The following KIF13B variants were observed in gnomAD, a reference collection of about 807,000 sequenced individuals.
KIF13B encodes kinesin family member 13B.
A neutral mutation model predicts 222.0 loss-of-function variants in KIF13B; 127 were observed. The observed-to-expected ratio is 0.57, with a 90% CI of 0.50 to 0.66. The LOEUF (loss-of-function observed/expected upper bound fraction) is 0.66, where lower values mean the gene tolerates loss of function less well. Among genes scored for constraint, KIF13B ranks in the 30% least tolerant of loss-of-function variants. The pLI is 0.00. For synonymous variants in KIF13B, 976 were observed against 919.0 expected, an observed-to-expected ratio of 1.06 and a Z score of -1.12; for missense variants, 2,173 against 2,379.0, an observed-to-expected ratio of 0.91 and a Z score of 1.80.
chr8:29,144,382 C>A (rs986867154), intron 18 of KIF13B, among the ~76,000 whole-genome samples: 10 of 152,010 alleles, frequency 6.6e-5, no homozygotes, highest in African/African-American at 2.2e-4. Flanking sequence ...CTCAGCCCCC[C>A]AAGCAGCTGG....
intron 21 of KIF13B, among the ~76,000 whole-genome samples, chr8:29,135,964 A>AATTT (rs1810536010): frequency 6.6e-6 from 1 of 151,390 alleles, no homozygotes; most frequent in Non-Finnish European, 1.5e-5. Flanking sequence ...CACAAACCAG[A>AATTT]TATTTTCTTC....
At chr8:29,137,132 T>C (rs1311546787) in intron 21 of KIF13B, among the ~76,000 whole-genome samples, 1 of 152,170 alleles carries the variant, frequency 6.6e-6, no homozygotes, top group Non-Finnish European at 1.5e-5. Context: ...ACATGTTCAA[T>C]ACATACTTCT....
At chr8:29,131,192 G>T (rs1246701323) in intron 23 of KIF13B, among the ~76,000 whole-genome samples, 1 of 152,128 alleles carries the variant, frequency 6.6e-6, no homozygotes, top group Non-Finnish European at 1.5e-5. Flanking sequence ...AGGGAAGTGA[G>T]CAAGGGTTGA....
At chr8:29,082,071 A>T (rs894871692) in intron 37 of KIF13B, among the ~76,000 whole-genome samples, 1 of 152,218 alleles carries the variant, frequency 6.6e-6, no homozygotes, top group African/African-American at 2.4e-5. Flanking sequence ...ATTCGCAAAT[A>T]TGTACCAGGT....
chr8:29,232,215 A>G (rs1815316317), intron 2 of KIF13B, among the ~76,000 whole-genome samples: 2 of 152,034 alleles, frequency 1.3e-5, no homozygotes, highest in Admixed American at 1.3e-4. Context: ...CCATGATTGC[A>G]CTACTACATT....
rs546647362 is a variant in KIF13B at position 29,198,284 on chromosome 8, A to G, written c.150-2085T>C. Among the ~76,000 whole-genome samples, 3 of 152,266 alleles carry G rather than the reference A, an allele frequency of 2.0e-5. No individual in the cohort carries two copies. In the East Asian group the frequency reaches 5.8e-4, roughly 29 times the overall value. On this transcript the variant is annotated intron_variant, in intron 2 of 39. Coordinates refer to ENST00000524189, the MANE Select transcript of KIF13B (RefSeq NM_015254.4). ...TGCTGGCAGAAATATAAATTAGTAC[A>G]ACCTCTATGGAAAATAGTATGCATG...
At chr8:29,103,903 C>T (rs575361956) in intron 35 of KIF13B, among the ~76,000 whole-genome samples, 25 of 152,292 alleles carry the variant, frequency 1.6e-4, no homozygotes, top group African/African-American at 5.8e-4. Flanking sequence ...TTGCCTAATA[C>T]GATTTGTCTT....
chr8:29,246,121 T>C (rs1816009877), intron 1 of KIF13B, among the ~76,000 whole-genome samples: 1 of 152,198 alleles, frequency 6.6e-6, no homozygotes, highest in African/African-American at 2.4e-5. Context: ...GGCTCACGTC[T>C]GTAATCCCAG....
intron 1 of KIF13B, chr8:29,250,053 A>G: frequency 7.8e-7 from 1 of 1,288,958 alleles, no homozygotes; most frequent in Non-Finnish European, 1.0e-6. Context: ...GAATCTGACC[A>G]TATTGTATCA....
chr8:29,139,737 G>A (rs1810722844), intron 21 of KIF13B, among the ~76,000 whole-genome samples: 1 of 152,182 alleles, frequency 6.6e-6, no homozygotes, highest in Non-Finnish European at 1.5e-5. Flanking sequence ...CATTGCACCT[G>A]CGCCCCTCGC....
rs80316334 is a variant in KIF13B at position 29,189,637 on chromosome 8, G to C, written c.224-1030C>G. 736 of 152,394 alleles carry C rather than the reference G, an allele frequency of 4.8e-3. 3 individuals carry two copies. The highest frequency in any genetic ancestry group is 0.017 in the African/African-American group (687 of 41,592). The allele number at this position is 152,394 out of a possible 1,614,324, so 9.4% of individuals were successfully genotyped here. ...AAAAGAGAAAACTGAAGCTCTGACA[G>C]GTGAGGTGATTTACTGAAAGGCGCA... On this transcript the variant is annotated intron_variant, in intron 4 of 39. Transcript: ENST00000524189.
chr8:29,239,708 GT>G (rs1416066596), intron 2 of KIF13B, among the ~76,000 whole-genome samples: 1 of 152,204 alleles, frequency 6.6e-6, no homozygotes, highest in African/African-American at 2.4e-5. Context: ...TATCGCCCAA[GT>G]TGGAGTGCGG....
intron 37 of KIF13B, among the ~76,000 whole-genome samples, chr8:29,083,289 C>T (rs756674531): frequency 6.6e-6 from 1 of 152,180 alleles, no homozygotes; most frequent in Non-Finnish European, 1.5e-5. Flanking sequence ...TACTGGAACA[C>T]AGCCAGACTC....
intron 3 of KIF13B, among the ~76,000 whole-genome samples, chr8:29,192,600 T>C (rs1201368187): frequency 2.0e-5 from 3 of 152,218 alleles, no homozygotes; most frequent in Non-Finnish European, 2.9e-5. Context: ...TAAAATATTT[T>C]ATCTATCTCT....
chr8:29,141,720 C>T (rs944680782), intron 19 of KIF13B, among the ~76,000 whole-genome samples: 19 of 152,162 alleles, frequency 1.2e-4, no homozygotes, highest in African/African-American at 3.9e-4. Flanking sequence ...TTCAAAAATG[C>T]TCCTTGGAGT....
chr8:29,247,260 T>C (rs1294731784), intron 1 of KIF13B, among the ~76,000 whole-genome samples: 1 of 152,000 alleles, frequency 6.6e-6, no homozygotes, highest in Non-Finnish European at 1.5e-5. Context: ...TGGTGGTACA[T>C]ACCTATAGTT....
chr8:29,105,108 A>C (rs921352848), intron 35 of KIF13B, among the ~76,000 whole-genome samples: 29 of 152,138 alleles, frequency 1.9e-4, no homozygotes, highest in African/African-American at 5.5e-4. Flanking sequence ...CTGGGATTAC[A>C]AGCATAAGCC....
chr8:29,070,312 A>T lies in KIF13B; in HGVS notation c.*192T>A. 1.6e-6 allele frequency: 1 copy of T among 632,144 alleles called. No homozygotes were observed. The highest frequency in any genetic ancestry group is 2.7e-6 in the Non-Finnish European group (1 of 371,692). 39.2% of individuals were successfully genotyped at this position (632,144 alleles called of 1,614,324 possible). ...CTGAGGAGGCACAGTTGAGGCCCCC[A>T]CTTTACCCGGGTACAGAAGAAACAA... On this transcript the variant is annotated 3_prime_UTR_variant, in exon 40 of 40. Coordinates refer to ENST00000524189, the MANE Select transcript of KIF13B (RefSeq NM_015254.4). This position sits in a 1 kb window ranked among gnomAD's most constrained non-coding sequence, Gnocchi z 4.1.
intron 12 of KIF13B, among the ~76,000 whole-genome samples, chr8:29,164,245 TAC>T (rs1487852788): frequency 1.3e-5 from 2 of 152,214 alleles, no homozygotes; most frequent in Admixed American, 6.5e-5. Flanking sequence ...CAACATCTGA[TAC>T]ACAGATTGAT....
Sources: gnomAD v4.1 joint callset for allele counts (sites outside exome capture counted in the v4.1 genomes callset) on GRCh38, gnomAD v4.1.1 for gene constraint, Gnocchi (gnomAD v3.1) non-coding constraint, MANE v1.5 for transcripts, NCBI Gene and HGNC (gene_info 2026-07-23, HGNC 2026-07-21) for gene names.